Variants in SPDYE3 observed in about 807,000 individuals in gnomAD.
SPDYE3 encodes the protein speedy/RINGO cell cycle regulator family member E3.
Under a neutral mutation model 55.0 loss-of-function variants are expected in SPDYE3, and 15 were observed. The ratio of observed to expected loss-of-function variants is 0.27; its 90% CI spans 0.18 to 0.42. The LOEUF (loss-of-function observed/expected upper bound fraction) is 0.42, where lower values mean the gene tolerates loss of function less well. Among genes scored for constraint, SPDYE3 ranks in the 10% least tolerant of loss-of-function variants. The pLI is 1.00. For synonymous variants in SPDYE3, 89 were observed against 229.9 expected (o/e 0.39, Z 5.55); for missense variants, 236 against 576.7 (o/e 0.41, Z 6.05).
At chr7:100,317,854 T>C (rs1477537594) in intron 8 of SPDYE3, among the ~76,000 whole-genome samples, 2 of 145,912 alleles carry the variant, frequency 1.4e-5, no homozygotes, top group African/African-American at 5.1e-5. Flanking sequence ...CGGGCACCTG[T>C]AGTCCCAGCT....
In SPDYE3 at chr7:100,314,524, T is replaced by C. The variant is rs1806047228; in HGVS notation, c.983-8T>C. The C allele has an allele frequency of 2.9e-6, 4 of 1,385,548 alleles. 1 individual carries two copies. The highest frequency in any genetic ancestry group is 3.9e-6 in the Non-Finnish European group (4 of 1,015,796). 85.8% of individuals were successfully genotyped at this position (1,385,548 alleles called of 1,614,324 possible). ...AGCATTACACGGTGGCCTGGTTTCT[T>C]TACTCAGCCCCTGGGGTAGATCCCA... On this transcript the variant is annotated splice_polypyrimidine_tract_variant and splice_region_variant and intron_variant, in intron 5 of 10. Coordinates refer to ENST00000332397, the MANE Select transcript of SPDYE3 (RefSeq NM_001004351.5).
intron 2 of SPDYE3, among the ~76,000 whole-genome samples, chr7:100,310,121 C>T (rs1366855825): frequency 7.9e-5 from 11 of 139,738 alleles, no homozygotes; most frequent in Non-Finnish European, 1.6e-5. Flanking sequence ...AAGAGGGCCT[C>T]AGAGAGCCAG....
chr7:100,316,722 TCC>T (rs1351187259), intron 7 of SPDYE3, among the ~76,000 whole-genome samples: 1 of 152,104 alleles, frequency 6.6e-6, no homozygotes, highest in African/African-American at 2.4e-5. Context: ...CTGGCTGCAG[TCC>T]TGAAGCTCCT....
chr7:100,309,717 T>G (rs1236206959), intron 2 of SPDYE3, among the ~76,000 whole-genome samples: 1 of 103,926 alleles, frequency 9.6e-6, no homozygotes, highest in Non-Finnish European at 1.9e-5. Context: ...TGAGACGCTG[T>G]CTCAAAAAAA....
intron 6 of SPDYE3, 112 bp from the exon 7 acceptor site, chr7:100,315,673 C>G: frequency 2.6e-6 from 4 of 1,548,158 alleles, no homozygotes; most frequent in Admixed American, 1.7e-5. Flanking sequence ...ACCTCACCCG[C>G]GGCCACAATC....
chr7:100,320,144 T>G, intron 10 of SPDYE3, 109 bp downstream of exon 10: 3 of 1,533,072 alleles, frequency 2.0e-6, no homozygotes, highest in African/African-American at 1.4e-5. Context: ...TGGCGAGATA[T>G]CCCCTCTCCA....
intron 3 of SPDYE3, among the ~76,000 whole-genome samples, chr7:100,311,498 A>C (rs1805955643): frequency 7.1e-6 from 1 of 140,194 alleles, no homozygotes; most frequent in Non-Finnish European, 1.6e-5. Context: ...AACAAAAAAA[A>C]AAAAGAGGGC....
At chr7:100,317,006 T>A in intron 7 of SPDYE3, 64 bp from the exon 8 acceptor site, 1 of 1,594,578 alleles carries the variant, frequency 6.3e-7, no homozygotes, top group East Asian at 2.2e-5. Flanking sequence ...CATTCCACTA[T>A]CTCCACAATC....
In SPDYE3 at chr7:100,308,095, C is replaced by T. The variant is rs181935338; in HGVS notation, c.106+104C>T. 1.5e-3 allele frequency: 2,040 copies of T among 1,373,356 alleles called. 6 individuals are homozygous for T. Among genetic ancestry groups the T allele is most frequent in the Middle Eastern group, 8.5e-3 (30 of 3,522 alleles). 85.1% of individuals were successfully genotyped at this position (1,373,356 alleles called of 1,614,324 possible). On this transcript the variant is annotated intron_variant, in intron 1 of 10. Coordinates refer to ENST00000332397, the MANE Select transcript of SPDYE3 (RefSeq NM_001004351.5). ...CTGTAACACCAACACTTTGGGAGGC[C>T]GAGGCGGGCAGATCACCTGAGGTCA...
chr7:100,315,699 G>A (rs1806086678), intron 6 of SPDYE3, 86 bp from the exon 7 acceptor site: 16 of 1,590,520 alleles, frequency 1.0e-5, no homozygotes, highest in Middle Eastern at 2.2e-4. Context: ...ACTTTCCCCC[G>A]GGAGGCACAC....
In SPDYE3 at chr7:100,308,025, G is replaced by A. The variant is rs772135888; in HGVS notation, c.106+34G>A. ...ACTGGAGGAAGAAGAGGTGGCATAG[G>A]ATTGACTAAGACGAAGGAAGGGGGC... On this transcript the variant is annotated intron_variant, in intron 1 of 10. Transcript: ENST00000332397. 7 of 1,526,210 alleles carry A rather than the reference G, an allele frequency of 4.6e-6. No individual in the cohort carries two copies. The African/African-American group carries it at 8.2e-5, about 18-fold the overall frequency. 94.5% of individuals were successfully genotyped at this position (1,526,210 alleles called of 1,614,324 possible).
At chr7:100,315,633 C>A (rs907173367) in intron 6 of SPDYE3, among the ~76,000 whole-genome samples, 152 bp from the exon 7 acceptor site, 74 of 152,164 alleles carry the variant, frequency 4.9e-4, no homozygotes, top group Non-Finnish European at 7.1e-4. Context: ...CTCCCTTGCC[C>A]AGTGAAAGTC....
intron 10 of SPDYE3, chr7:100,320,627 G>A: frequency 2.9e-6 from 3 of 1,045,506 alleles, no homozygotes; most frequent in Non-Finnish European, 3.6e-6. Context: ...TACTCCCTGG[G>A]AAGACCCACC....
In SPDYE3 at chr7:100,321,748, T is replaced by A. The variant is rs1377471332; in HGVS notation, c.*903T>A. On this transcript the variant is annotated 3_prime_UTR_variant, in exon 11 of 11. Transcript: ENST00000332397. Reference sequence around the variant, plus strand: ...TAGATATATATACTAACATGTCTAATATATACTATCTATTTTATTGATTTA... The same window carrying A: ...TAGATATATATACTAACATGTCTAAAATATACTATCTATTTTATTGATTTA... 6.7e-6 allele frequency: 1 copy of A among 150,222 alleles called. No homozygotes were observed. The highest frequency in any genetic ancestry group is 2.4e-5 in the African/African-American group (1 of 41,202). The allele number at this position is 150,222 out of a possible 1,614,324, so 9.3% of individuals were successfully genotyped here. A position where few individuals can be genotyped will look rare whatever the true frequency, so the allele number is the denominator to read the frequency against.
intron 8 of SPDYE3, among the ~76,000 whole-genome samples, chr7:100,318,374 CTCTCTACAA>C (rs1278155462): frequency 6.6e-6 from 1 of 152,108 alleles, no homozygotes; most frequent in Non-Finnish European, 1.5e-5. Context: ...CAATTCCACC[CTCTCTACAA>C]TCTCTACAAC....
Position 100,319,770 on chromosome 7 carries a change from C to A in SPDYE3, c.1552C>A (p.Arg518Ser), listed in dbSNP as rs374034824. ...TCGGTTCCAGTTCTTCTGTTCCATGCGCTGCAGGGCTTGGGTTTCCCCGGA... is the reference window on the plus strand; with the variant it reads ...TCGGTTCCAGTTCTTCTGTTCCATGAGCTGCAGGGCTTGGGTTTCCCCGGA... ...KRRFQFFCSM[R>S]CRAWVSPEEL... The change falls in exon 9 of 11, where the codon CGC becomes AGC. Residue 518 changes from arginine (R) to serine (S), a missense_variant. Arg to Ser is a moderately radical substitution (Grantham distance 110). Transcript: ENST00000332397. 13 of 1,613,666 alleles carry A rather than the reference C, an allele frequency of 8.1e-6. 1 individual carries two copies. Among genetic ancestry groups the A allele is most frequent in the South Asian group, 7.7e-5 (7 of 91,074 alleles).
intron 7 of SPDYE3, among the ~76,000 whole-genome samples, chr7:100,316,547 CA>C (rs1325005098): frequency 6.6e-6 from 1 of 152,174 alleles, no homozygotes; most frequent in Non-Finnish European, 1.5e-5. Context: ...CTCCACCTCT[CA>C]AAAAGTACTG....
rs1789540265 is a variant in SPDYE3, at chr7:100,319,994, T to C, written c.*4T>C. 1 of 1,608,880 alleles carries C rather than the reference T, an allele frequency of 6.2e-7. No individual in the cohort carries two copies. On this transcript the variant is annotated 3_prime_UTR_variant, in exon 10 of 11. Transcript: ENST00000332397. Reference sequence around the variant, plus strand: ...AGATCGCGCCCACCTTTCCTAGAGCTCCAGGGACCGTGGAGGCCTGAGGTC... The same window carrying C: ...AGATCGCGCCCACCTTTCCTAGAGCCCCAGGGACCGTGGAGGCCTGAGGTC...
In SPDYE3 at chr7:100,315,861, G is replaced by T. The variant is rs948833563; in HGVS notation, c.1260+18G>T. On this transcript the variant is annotated intron_variant, in intron 7 of 10. Coordinates refer to ENST00000332397, the MANE Select transcript of SPDYE3 (RefSeq NM_001004351.5). ...CAGACAAGGTAAGGTTGTTCTCTAT[G>T]TAACTGTGTTCCTGTTCTAACGCAC... 7.3e-5 allele frequency: 116 copies of T among 1,599,592 alleles called. No homozygotes were observed. Among genetic ancestry groups the T allele is most frequent in the Non-Finnish European group, 9.4e-5 (111 of 1,179,682 alleles).
Sources: gnomAD v4.1 joint callset for allele counts (sites outside exome capture counted in the v4.1 genomes callset) on GRCh38, gnomAD v4.1.1 for gene constraint, MANE v1.5 for transcripts, NCBI Gene and HGNC (gene_info 2026-07-23, HGNC 2026-07-21) for gene names.